DLC1: variants seen among roughly 807,000 people sequenced by gnomAD.
The protein encoded by DLC1 is DLC1 Rho GTPase activating protein, also known as rho GTPase-activating protein 7.
A neutral mutation model predicts 140.3 loss-of-function variants in DLC1; 54 were observed. That is an observed-to-expected ratio of 0.38 (90% CI 0.31 to 0.48). DLC1 has a LOEUF of 0.48. DLC1 is among the 20% of genes least tolerant of loss of function. DLC1 has a pLI of 0.96. For synonymous variants in DLC1, 986 were observed against 728.1 expected, an observed-to-expected ratio of 1.35 and a Z score of -5.70; for missense variants, 2,536 against 1,907.0, an observed-to-expected ratio of 1.33 and a Z score of -6.14.
chr8:13,199,644 C>T (rs1364627834), intron 5 of DLC1, among the ~76,000 whole-genome samples: 1 of 152,040 alleles, frequency 6.6e-6, no homozygotes, highest in Non-Finnish European at 1.5e-5. Flanking sequence ...AAAATAGTTC[C>T]TATATTAAAA....
At chr8:13,570,656 T>C (rs1804620904) in intron 1 of DLC1, among the ~76,000 whole-genome samples, 1 of 151,654 alleles carries the variant, frequency 6.6e-6, no homozygotes, top group Non-Finnish European at 1.5e-5. Context: ...TAGTATTCCA[T>C]GGTGTATATG....
At chr8:13,268,741 T>C (rs1270712704) in intron 5 of DLC1, among the ~76,000 whole-genome samples, 1 of 151,940 alleles carries the variant, frequency 6.6e-6, no homozygotes, top group Non-Finnish European at 1.5e-5. Context: ...TCTGACTTCT[T>C]TTTGTGTGTT....
At chr8:13,590,598 T>C (rs1424724292) in intron 1 of DLC1, among the ~76,000 whole-genome samples, 4 of 152,086 alleles carry the variant, frequency 2.6e-5, no homozygotes, top group Non-Finnish European at 5.9e-5. Context: ...ATTTTACTTT[T>C]CTAGCCTTCC....
At chr8:13,486,834 G>C (rs1800991739) in intron 2 of DLC1, among the ~76,000 whole-genome samples, 1 of 152,154 alleles carries the variant, frequency 6.6e-6, no homozygotes, top group Non-Finnish European at 1.5e-5. Context: ...AAAATGCAAG[G>C]GATGTCCTTG....
At chr8:13,143,043 C>CA (rs552138951) in intron 5 of DLC1, among the ~76,000 whole-genome samples, 59,933 of 121,000 alleles carry the variant, frequency 0.5, 13,411 homozygotes, top group African/African-American at 0.54. Flanking sequence ...AACTCCGTCT[C>CA]AAAAAAAAAA....
Position 13,216,979 on chromosome 8 carries a change from T to C in DLC1, c.1348+88290A>G, listed in dbSNP as rs111406055. The stretch of plus-strand genomic sequence containing the variant: ...TGTGGGCAGCATGTTTGTCTTTTGC[T>C]TGTGTCCTTGAAGGTGTTCTGTGCA... On this transcript the variant is annotated intron_variant, in intron 5 of 17. Transcript: ENST00000276297. 5.3e-3 allele frequency among the ~76,000 whole-genome samples: 801 copies of C among 152,280 alleles called. 8 individuals carry two copies. Among genetic ancestry groups the C allele is most frequent in the African/African-American group, 0.019 (773 of 41,550 alleles).
Position 13,115,662 on chromosome 8 carries a change from A to G in DLC1, c.1349-5T>C. The G allele has an allele frequency of 6.2e-7, 1 of 1,613,782 alleles. No individual in the cohort carries two copies. Among genetic ancestry groups the G allele is most frequent in the Non-Finnish European group, 8.5e-7 (1 of 1,179,884 alleles). On this transcript the variant is annotated splice_region_variant and splice_polypyrimidine_tract_variant and intron_variant, in intron 5 of 17. Transcript: ENST00000276297. ...AAGCTTCCTTGGCTTCAATTTCTAGAACAGAACAGAAGAAAGACAAAATTA... is the reference window on the plus strand; with the variant it reads ...AAGCTTCCTTGGCTTCAATTTCTAGGACAGAACAGAAGAAAGACAAAATTA...
chr8:13,430,907 G>C (rs903054401), intron 2 of DLC1, among the ~76,000 whole-genome samples: 1 of 152,142 alleles, frequency 6.6e-6, no homozygotes, highest in Non-Finnish European at 1.5e-5. Flanking sequence ...ACATTTTGAA[G>C]TTTAAAAGAG....
chr8:13,166,748 A>C (rs1419049578), intron 5 of DLC1, among the ~76,000 whole-genome samples: 1 of 151,990 alleles, frequency 6.6e-6, no homozygotes, highest in African/African-American at 2.4e-5. Flanking sequence ...CACACCTCTG[A>C]TCATGTATCT....
chr8:13,301,006 G>C lies in DLC1; in HGVS notation c.1348+4263C>G, dbSNP rs757527780. ...ATGAGAGGGCGGTGCTGACAGCACG[G>C]TGTGTAGAAGGTGGAGGAGCCTGGG... On this transcript the variant is annotated intron_variant, in intron 5 of 17. Coordinates refer to ENST00000276297, the MANE Select transcript of DLC1 (RefSeq NM_182643.3). Among the ~76,000 whole-genome samples, 64 of 152,160 alleles carry C rather than the reference G, an allele frequency of 4.2e-4. 2 individuals carry two copies. The highest frequency in any genetic ancestry group is 3.9e-4 in the Admixed American group (6 of 15,282).
At position 13,483,680 on chromosome 8, in the gene DLC1, G is replaced by A. The variant is rs376766693; in HGVS notation, c.1023+15369C>T. The stretch of plus-strand genomic sequence containing the variant: ...TGGGATGAGGAGAAGGTGAAGATGA[G>A]ATGGCATAGGTGAACAGGGCCCAGA... On this transcript the variant is annotated intron_variant, in intron 2 of 17. Coordinates refer to ENST00000276297, the MANE Select transcript of DLC1 (RefSeq NM_182643.3). Among the ~76,000 whole-genome samples the A allele has an allele frequency of 2.3e-3, 351 of 152,264 alleles. 11 individuals carry two copies. The South Asian group carries it at 0.065, about 28-fold the overall frequency.
intron 5 of DLC1, among the ~76,000 whole-genome samples, chr8:13,173,677 C>T (rs1474645688): frequency 1.3e-5 from 2 of 152,128 alleles, no homozygotes; most frequent in East Asian, 1.9e-4. Flanking sequence ...GCCTGTTCTG[C>T]TCCCTTTTTT....
At chr8:13,115,471 TA>T in intron 6 of DLC1, 114 bp downstream of exon 6, 11 of 1,049,932 alleles carry the variant, frequency 1.0e-5, no homozygotes, top group South Asian at 6.0e-5. Flanking sequence ...ACATTTTTTT[TA>T]AAAATAAAAC....
intron 12 of DLC1, among the ~76,000 whole-genome samples, chr8:13,093,459 C>T (rs948785937): frequency 2.0e-5 from 3 of 151,916 alleles, no homozygotes; most frequent in African/African-American, 7.3e-5. Context: ...AAAGCATGCT[C>T]GAGAGGCTAT....
At chr8:13,568,095 C>A in intron 1 of DLC1, 2 of 895,536 alleles carry the variant, frequency 2.2e-6, no homozygotes, top group Non-Finnish European at 3.3e-6. Flanking sequence ...TTATAGAAGG[C>A]ACTGTTGTAG....
chr8:13,490,895 T>A (rs1801203185), intron 2 of DLC1, among the ~76,000 whole-genome samples: 1 of 151,548 alleles, frequency 6.6e-6, no homozygotes, highest in African/African-American at 2.4e-5. Flanking sequence ...AGGCCCCTCA[T>A]ACATCGTAAC....
At chr8:13,278,201 A>T (rs1831243874) in intron 5 of DLC1, among the ~76,000 whole-genome samples, 2 of 152,184 alleles carry the variant, frequency 1.3e-5, no homozygotes, top group African/African-American at 4.8e-5. Flanking sequence ...ATGTAGACAG[A>T]CCTCCGTGCC....
rs780481649 is a variant in DLC1 at position 13,088,594 on chromosome 8, G to T, written c.4185C>A (p.Asp1395Glu). The change falls in exon 16 of 18, where the codon GAC becomes GAA. Residue 1395 changes from aspartate to glutamate, a missense_variant. Coordinates refer to ENST00000276297, the MANE Select transcript of DLC1 (RefSeq NM_182643.3). ...TTTCGATCACTTTTGAATCCAACAG[G>T]TCTACATCCCAGAGGTGCTGTTCTT... is the stretch of plus-strand genomic sequence containing the variant. Reference protein sequence around the residue: ...LLKEQHLWDVDLLDSKVIEIL... With the variant: ...LLKEQHLWDVELLDSKVIEIL... 1.2e-6 allele frequency: 2 copies of T among 1,614,124 alleles called. No homozygotes were observed. The highest frequency in any genetic ancestry group is 1.7e-6 in the Non-Finnish European group (2 of 1,180,038).
intron 1 of DLC1, among the ~76,000 whole-genome samples, chr8:13,534,015 C>A (rs1182619824): frequency 6.6e-6 from 1 of 152,118 alleles, no homozygotes; most frequent in Admixed American, 6.6e-5. Flanking sequence ...TTCTTTATAG[C>A]AGTATGAAAA....
Sources: allele counts gnomAD v4.1 joint callset (sites outside exome capture counted in the v4.1 genomes callset), GRCh38; gene constraint gnomAD v4.1.1; transcripts MANE v1.5; gene names NCBI Gene and HGNC (gene_info 2026-07-23, HGNC 2026-07-21).